Variants in ZNF827 observed in about 807,000 individuals in gnomAD.
ZNF827 encodes zinc finger protein 827.
ZNF827 carries 13 observed loss-of-function variants against 102.4 expected under a neutral mutation model. That is an observed-to-expected ratio of 0.13 (90% confidence interval 0.08 to 0.20). The LOEUF (loss-of-function observed/expected upper bound fraction) is 0.20. Ranked by LOEUF, ZNF827 falls within the 10% of genes least tolerant of loss-of-function variation. The pLI is 1.00. For missense variants in ZNF827, 1,103 were observed against 1,344.4 expected (o/e 0.82, Z 2.81); for synonymous variants, 523 against 536.2 (o/e 0.98, Z 0.34).
chr4:145,852,310 G>T lies in ZNF827; in HGVS notation c.1982-2749C>A, dbSNP rs147344539. On this transcript the variant is annotated intron_variant, in intron 5 of 14. Transcript: ENST00000508784. ...GGCTATTTGCACCACTAAATTTAATGAAATTAGTTTTTAAAAGCTTCCTGG... is the reference window on the plus strand; with the variant it reads ...GGCTATTTGCACCACTAAATTTAATTAAATTAGTTTTTAAAAGCTTCCTGG... Among the ~76,000 whole-genome samples, 688 of 152,294 alleles carry T rather than the reference G, an allele frequency of 4.5e-3. 4 individuals are homozygous for T. The highest frequency in any genetic ancestry group is 0.015 in the African/African-American group (603 of 41,564).
In ZNF827 at chr4:145,763,793, C is replaced by T. The variant is rs1294252937; in HGVS notation, c.3231-671G>A. On this transcript the variant is annotated intron_variant, in intron 13 of 14. Transcript: ENST00000508784. This position sits in a 1 kb window ranked among gnomAD's most constrained non-coding sequence, Gnocchi z 4.6. ...AATCCCCAAATAAGCTCTTCCTAGG[C>T]ATTTCCCATCTACTGGTTTCCTTGA... 6.6e-6 allele frequency among the ~76,000 whole-genome samples: 1 copy of T among 152,238 alleles called. No individual in the cohort carries two copies. Among genetic ancestry groups the T allele is most frequent in the Admixed American group, 6.5e-5 (1 of 15,288 alleles).
intron 1 of ZNF827, among the ~76,000 whole-genome samples, chr4:145,917,722 A>AG (rs1561078442): frequency 6.8e-6 from 1 of 147,206 alleles, no homozygotes; most frequent in African/African-American, 2.6e-5. Flanking sequence ...AAAAAAAAAA[A>AG]AAAAGAAAAG....
intron 4 of ZNF827, among the ~76,000 whole-genome samples, chr4:145,879,400 A>G (rs529357063): frequency 6.6e-6 from 1 of 152,342 alleles, no homozygotes; most frequent in South Asian, 2.1e-4. Context: ...AATAATAACA[A>G]CAGTAGTAAA....
At chr4:145,875,024 A>T (rs545376300) in intron 4 of ZNF827, among the ~76,000 whole-genome samples, 60 of 152,350 alleles carry the variant, frequency 3.9e-4, no homozygotes, top group African/African-American at 1.2e-3. Context: ...AGCTGCTGGG[A>T]TAAGATGATT....
At chr4:145,937,761 G>T (rs1385799198) in intron 1 of ZNF827, among the ~76,000 whole-genome samples, 2 of 136,250 alleles carry the variant, frequency 1.5e-5, no homozygotes, top group Admixed American at 1.5e-4. Context: ...CGCCGCTGCC[G>T]CCGGCGGCTC....
At chr4:145,915,829 A>T (rs901673823) in intron 1 of ZNF827, among the ~76,000 whole-genome samples, 2 of 152,358 alleles carry the variant, frequency 1.3e-5, no homozygotes, top group East Asian at 3.9e-4. Context: ...AGCCTGTAAA[A>T]TTAAACAAGT....
intron 1 of ZNF827, among the ~76,000 whole-genome samples, chr4:145,904,207 A>G (rs1751647425): frequency 6.6e-6 from 1 of 152,136 alleles, no homozygotes; most frequent in Non-Finnish European, 1.5e-5. Flanking sequence ...TGATTGTCCA[A>G]TTCTACTTAC....
intron 1 of ZNF827, among the ~76,000 whole-genome samples, chr4:145,929,620 T>C (rs952939994): frequency 4.6e-5 from 7 of 152,100 alleles, no homozygotes; most frequent in African/African-American, 1.7e-4. Flanking sequence ...TATCATATTA[T>C]TATTACTCAC....
intron 7 of ZNF827, among the ~76,000 whole-genome samples, chr4:145,833,721 G>A (rs138423932): frequency 0.011 from 1,381 of 122,250 alleles, 15 homozygotes; most frequent in African/African-American, 0.04. Context: ...CCTTATTTCC[G>A]TGCCCCAACC....
rs1751477785 is a variant in ZNF827 at position 145,902,248 on chromosome 4, T to C, written c.1011A>G (p.Pro337=). The change falls in exon 2 of 15, where the codon CCA becomes CCG. Residue 337 remains proline, a synonymous_variant. Transcript: ENST00000508784. This position sits in a 1 kb window ranked among gnomAD's most constrained non-coding sequence, Gnocchi z 4.3. ...VTPPPPPPPP[P]PPPPPPQSLE... The stretch of plus-strand genomic sequence containing the variant: ...GGGATTGTGGTGGTGGTGGTGGAGG[T>C]GGTGGAGGTGGCGGTGGAGGTGGCG... 1.3e-6 allele frequency: 2 copies of C among 1,541,678 alleles called. No individual in the cohort carries two copies. The highest frequency in any genetic ancestry group is 1.4e-5 in the African/African-American group (1 of 72,116).
intron 7 of ZNF827, among the ~76,000 whole-genome samples, chr4:145,840,676 T>C (rs915502439): frequency 3.9e-5 from 6 of 152,240 alleles, no homozygotes; most frequent in Non-Finnish European, 8.8e-5. Flanking sequence ...TTTTACTTTT[T>C]AAGGTAATAT....
intron 2 of ZNF827, among the ~76,000 whole-genome samples, chr4:145,894,295 A>C (rs540400280): frequency 1.3e-5 from 2 of 152,224 alleles, no homozygotes; most frequent in Non-Finnish European, 2.9e-5. Context: ...ACTTCCTGGA[A>C]GCATACCCAG....
At position 145,779,487 on chromosome 4, in the gene ZNF827, G is replaced by A; in HGVS notation, c.2408C>T (p.Ala803Val). The A allele has an allele frequency of 6.2e-7, 1 of 1,614,188 alleles. No individual in the cohort carries two copies. Among genetic ancestry groups the A allele is most frequent in the Non-Finnish European group, 8.5e-7 (1 of 1,180,024 alleles). ...APETEKIVLE[A>V]GNGLPSWKFN... ...TTTCCAGGATGGTAATCCATTTCCTGCCTCTAGGACTATCTTTTCTGTTTC... is the reference window on the plus strand; with the variant it reads ...TTTCCAGGATGGTAATCCATTTCCTACCTCTAGGACTATCTTTTCTGTTTC... Residue 803 changes from alanine (A) to valine (V), a missense_variant, in exon 9 of 15, where the codon GCA becomes GTA. By Grantham distance (64) the Ala-to-Val change is moderately conservative. Coordinates refer to ENST00000508784, the MANE Select transcript of ZNF827 (RefSeq NM_001306215.2).
intron 3 of ZNF827, among the ~76,000 whole-genome samples, chr4:145,888,481 T>C (rs1022720860): frequency 1.4e-4 from 22 of 152,336 alleles, no homozygotes; most frequent in Admixed American, 1.4e-3. Flanking sequence ...TGCTGTTACA[T>C]CATTAGGGCC....
intron 1 of ZNF827, among the ~76,000 whole-genome samples, chr4:145,926,671 T>C (rs1053152334): frequency 1.3e-5 from 2 of 152,146 alleles, no homozygotes; most frequent in African/African-American, 2.4e-5. Flanking sequence ...ATCGCATGAG[T>C]TTAATTATTT....
At chr4:145,929,537 T>C (rs1478814970) in intron 1 of ZNF827, among the ~76,000 whole-genome samples, 1 of 152,184 alleles carries the variant, frequency 6.6e-6, no homozygotes, top group Non-Finnish European at 1.5e-5. Context: ...AAAAGCCTAA[T>C]ATAATATTGT....
At chr4:145,827,195 A>T (rs1743772525) in intron 7 of ZNF827, among the ~76,000 whole-genome samples, 1 of 152,034 alleles carries the variant, frequency 6.6e-6, no homozygotes, top group African/African-American at 2.4e-5. Flanking sequence ...CCCCATCTGC[A>T]CTCTTTCCCG....
chr4:145,816,303 A>G (rs979731638), intron 8 of ZNF827, among the ~76,000 whole-genome samples: 3 of 152,236 alleles, frequency 2.0e-5, no homozygotes, highest in African/African-American at 7.2e-5. Context: ...GGGCAGAGAT[A>G]AAGGGGCGTG....
Position 145,809,960 on chromosome 4 carries a change from T to A in ZNF827, c.2383+13462A>T, listed in dbSNP as rs1461860757. On this transcript the variant is annotated intron_variant, in intron 8 of 14. Transcript: ENST00000508784. ...AACTCTTTACTGCAATAACAGGGTC[T>A]CAGTGAATTGGTTTTGTCTGTGCAG... 2.6e-5 allele frequency among the ~76,000 whole-genome samples: 4 copies of A among 152,242 alleles called. No individual in the cohort carries two copies. In the South Asian group the frequency reaches 8.3e-4, roughly 32 times the overall value.
Sources: allele counts gnomAD v4.1 joint callset (sites outside exome capture counted in the v4.1 genomes callset), GRCh38; gene constraint gnomAD v4.1.1; non-coding constraint Gnocchi (gnomAD v3.1); transcripts MANE v1.5; gene names NCBI Gene and HGNC (gene_info 2026-07-23, HGNC 2026-07-21).